HGSNAT: variants seen among roughly 807,000 people sequenced by gnomAD.
HGSNAT encodes heparan-alpha-glucosaminide N-acetyltransferase.
A neutral mutation model predicts 85.2 loss-of-function variants in HGSNAT; 59 were observed. The observed-to-expected ratio is 0.69, with a 90% CI of 0.56 to 0.86. The LOEUF (loss-of-function observed/expected upper bound fraction) is 0.86, where lower values mean the gene tolerates loss of function less well. Ranked by LOEUF, HGSNAT falls within the 40% of genes least tolerant of loss-of-function variation. HGSNAT has a pLI of 0.00. For synonymous variants in HGSNAT, 321 were observed against 304.5 expected, an observed-to-expected ratio of 1.05 and a Z score of -0.56; for missense variants, 756 against 777.1, an observed-to-expected ratio of 0.97 and a Z score of 0.32.
chr8:43,181,290 A>G (rs1424360183), intron 10 of HGSNAT, among the ~76,000 whole-genome samples: 5 of 151,350 alleles, frequency 3.3e-5, no homozygotes, highest in Non-Finnish European at 5.9e-5. Context: ...CTTCACTGGC[A>G]CTTGTATGGC....
chr8:43,184,144 T>G (rs1012966543), intron 11 of HGSNAT, among the ~76,000 whole-genome samples: 2 of 152,260 alleles, frequency 1.3e-5, no homozygotes, highest in African/African-American at 4.8e-5. Flanking sequence ...CCTTTGGGTA[T>G]ATACCCAGTA....
At chr8:43,154,692 TC>T (rs1215929455) in intron 2 of HGSNAT, among the ~76,000 whole-genome samples, 1 of 152,218 alleles carries the variant, frequency 6.6e-6, no homozygotes, top group African/African-American at 2.4e-5. Context: ...TGATTTATAT[TC>T]CTTTGGGTAA....
At chr8:43,145,291 C>T (rs1013157178) in intron 1 of HGSNAT, among the ~76,000 whole-genome samples, 2 of 152,160 alleles carry the variant, frequency 1.3e-5, no homozygotes, top group Non-Finnish European at 2.9e-5. Context: ...GTTGTTAGAT[C>T]CTCATGATGG....
chr8:43,191,409 A>T, intron 11 of HGSNAT, 65 bp from the exon 12 acceptor site: 1 of 1,568,106 alleles, frequency 6.4e-7, no homozygotes, highest in Non-Finnish European at 8.7e-7. Context: ...TCCTAAAGAC[A>T]TGTGCTTAGT....
chr8:43,199,849 C>T lies in HGSNAT; in HGVS notation c.*280C>T. 1 of 243,544 alleles carries T rather than the reference C, an allele frequency of 4.1e-6. No homozygotes were observed. Among genetic ancestry groups the T allele is most frequent in the Non-Finnish European group, 7.8e-6 (1 of 127,864 alleles). The allele number at this position is 243,544 out of a possible 1,614,324, so 15.1% of individuals were successfully genotyped here. On this transcript the variant is annotated 3_prime_UTR_variant, in exon 18 of 18. Coordinates refer to ENST00000379644, the MANE Select transcript of HGSNAT (RefSeq NM_152419.3). Reference sequence around the variant, plus strand: ...TGGAACTTCATTCCGAGGAGATAAGCTTTAACTTTCCAAAAGGGAATTGCC... The same window carrying T: ...TGGAACTTCATTCCGAGGAGATAAGTTTTAACTTTCCAAAAGGGAATTGCC...
intron 2 of HGSNAT, among the ~76,000 whole-genome samples, chr8:43,157,307 T>C (rs1364943601): frequency 1.3e-5 from 2 of 152,206 alleles, no homozygotes; most frequent in East Asian, 3.8e-4. Flanking sequence ...ATCTAGTAAC[T>C]GAACAAAAAA....
intron 4 of HGSNAT, among the ~76,000 whole-genome samples, chr8:43,160,596 T>G (rs186184597): frequency 1.3e-5 from 2 of 152,356 alleles, no homozygotes; most frequent in Admixed American, 1.3e-4. Context: ...TTCACTTAGC[T>G]TCCCCTAAAC....
intron 5 of HGSNAT, among the ~76,000 whole-genome samples, chr8:43,164,144 T>C (rs960377402): frequency 6.6e-5 from 10 of 152,128 alleles, no homozygotes; most frequent in African/African-American, 1.9e-4. Flanking sequence ...TTGCATGAAA[T>C]GATATGATGT....
chr8:43,161,141 C>T (rs1324013193), intron 4 of HGSNAT, among the ~76,000 whole-genome samples: 1 of 152,000 alleles, frequency 6.6e-6, no homozygotes, highest in Non-Finnish European at 1.5e-5. Flanking sequence ...AAAAGCAGGA[C>T]ATGGGGGTGG....
chr8:43,140,779 G>A (rs2130650124), intron 1 of HGSNAT, among the ~76,000 whole-genome samples, 165 bp downstream of exon 1: 1 of 152,120 alleles, frequency 6.6e-6, no homozygotes, highest in African/African-American at 2.4e-5. Context: ...GCCCCAGACC[G>A]GAGGCCGGAC....
At chr8:43,149,455 T>C (rs180762526) in intron 2 of HGSNAT, among the ~76,000 whole-genome samples, 190 of 152,162 alleles carry the variant, frequency 1.2e-3, no homozygotes, top group African/African-American at 4.5e-3. Flanking sequence ...TCCCAGCACT[T>C]TGGGAGGCCG....
chr8:43,146,522 G>A (rs1161309837), intron 1 of HGSNAT, among the ~76,000 whole-genome samples: 1 of 152,134 alleles, frequency 6.6e-6, no homozygotes, highest in African/African-American at 2.4e-5. Context: ...ATTCTTGAGA[G>A]GCTTAATTTA....
chr8:43,156,814 T>A (rs1174275512), intron 2 of HGSNAT, among the ~76,000 whole-genome samples: 1 of 152,202 alleles, frequency 6.6e-6, no homozygotes. Flanking sequence ...AAAGTCTATG[T>A]CTTTTGTATT....
intron 11 of HGSNAT, among the ~76,000 whole-genome samples, chr8:43,185,897 A>T (rs1804290579): frequency 6.6e-6 from 1 of 152,154 alleles, no homozygotes; most frequent in Non-Finnish European, 1.5e-5. Flanking sequence ...TGAGATAATC[A>T]TGTGGTTTTT....
At chr8:43,183,125 C>T (rs897325756) in intron 11 of HGSNAT, among the ~76,000 whole-genome samples, 1 of 152,146 alleles carries the variant, frequency 6.6e-6, no homozygotes, top group African/African-American at 2.4e-5. Flanking sequence ...TTCTTTGTGT[C>T]AGGAACATGC....
In HGSNAT at chr8:43,197,843, C is replaced by T. The variant is rs767625503; in HGVS notation, c.1617C>T (p.Ser539=). 1 of 1,613,512 alleles carries T rather than the reference C, an allele frequency of 6.2e-7. No homozygotes were observed. Among genetic ancestry groups the T allele is most frequent in the East Asian group, 2.2e-5 (1 of 44,884 alleles). Residue 539 remains serine (S), a synonymous_variant, in exon 17 of 18, where the codon TCC becomes TCT. Transcript: ENST00000379644. ...ACGTCTCCTCCACCCCTCCCAGGTCCCTTTCGTATGTCACTACGCTCAGTT... is the reference window on the plus strand; with the variant it reads ...ACGTCTCCTCCACCCCTCCCAGGTCTCTTTCGTATGTCACTACGCTCAGTT... The part of the protein sequence containing the change: ...GFIPVNKNLW[S]LSYVTTLSSF...
intron 15 of HGSNAT, chr8:43,197,400 C>G: frequency 1.8e-6 from 1 of 546,048 alleles, no homozygotes. Context: ...TCATTTCATC[C>G]TGACCGCAGC....
chr8:43,160,151 A>G (rs1385934316), intron 4 of HGSNAT, among the ~76,000 whole-genome samples: 4 of 152,260 alleles, frequency 2.6e-5, no homozygotes, highest in African/African-American at 7.2e-5. Flanking sequence ...AGGGCACCTG[A>G]TGTTAACTGT....
intron 9 of HGSNAT, 167 bp downstream of exon 9, chr8:43,173,910 C>T (rs115676003): frequency 5.2e-4 from 348 of 668,902 alleles, no homozygotes; most frequent in African/African-American, 5.1e-3. Flanking sequence ...AGTGCCTACA[C>T]GTGTGTATAA....
Sources: gnomAD v4.1 joint callset for allele counts (sites outside exome capture counted in the v4.1 genomes callset) on GRCh38, gnomAD v4.1.1 for gene constraint, MANE v1.5 for transcripts, NCBI Gene and HGNC (gene_info 2026-07-23, HGNC 2026-07-21) for gene names.